The following DENND1B variants were observed in gnomAD, a reference collection of about 807,000 sequenced individuals.
The protein encoded by DENND1B is DENN domain-containing protein 1B.
Under a neutral mutation model 90.1 loss-of-function variants are expected in DENND1B, and 59 were observed. The observed-to-expected ratio is 0.65, with a 90% CI of 0.53 to 0.81. The LOEUF (loss-of-function observed/expected upper bound fraction) is 0.81. DENND1B is among the 40% of genes least tolerant of loss of function. The pLI is 0.00. For synonymous variants in DENND1B, 337 were observed against 324.6 expected (o/e 1.04, Z -0.41); for missense variants, 862 against 912.6 (o/e 0.94, Z 0.71).
chr1:197,527,311 TG>T (rs1352833288), intron 20 of DENND1B, among the ~76,000 whole-genome samples: 4 of 110,244 alleles, frequency 3.6e-5, no homozygotes, highest in South Asian at 2.8e-4. Context: ...GGTTTTTTTT[TG>T]TTTTTGTTTT....
chr1:197,560,959 A>T (rs867007157), intron 15 of DENND1B, among the ~76,000 whole-genome samples: 1 of 151,890 alleles, frequency 6.6e-6, no homozygotes, highest in Non-Finnish European at 1.5e-5. Flanking sequence ...TACCTCACCC[A>T]TCTGCGCTCA....
intron 2 of DENND1B, among the ~76,000 whole-genome samples, chr1:197,757,651 T>C (rs1443572951): frequency 6.6e-6 from 1 of 152,214 alleles, no homozygotes; most frequent in Non-Finnish European, 1.5e-5. Flanking sequence ...AAAGGAGATT[T>C]ATATCAATGA....
chr1:197,780,889 T>A, the DENND1B span, among the ~76,000 whole-genome samples: 5 of 152,270 alleles, frequency 3.3e-5, no homozygotes, highest in Middle Eastern at 3.4e-3. Flanking sequence ...CCCTATATAT[T>A]AATGGTGTAG....
intron 15 of DENND1B, among the ~76,000 whole-genome samples, chr1:197,561,572 T>C (rs34261593): frequency 0.16 from 23,895 of 151,790 alleles, 2,154 homozygotes; most frequent in Non-Finnish European, 0.2. Flanking sequence ...GACTCCAAAA[T>C]GTATATACCT....
intron 10 of DENND1B, among the ~76,000 whole-genome samples, chr1:197,619,981 C>T (rs1241487577): frequency 6.6e-6 from 1 of 151,152 alleles, no homozygotes; most frequent in East Asian, 1.9e-4. Flanking sequence ...ACAACTCCTT[C>T]CCAACCACAG....
chr1:197,583,252 C>CGCCTGTAAT lies in DENND1B; in HGVS notation c.1048_1049insATTACAGGC (p.Gly350delinsAspTyrArgArg). On this transcript the variant is annotated protein_altering_variant and splice_region_variant, in exon 15 of 23. Coordinates refer to ENST00000620048, the MANE Select transcript of DENND1B (RefSeq NM_001195215.2). ...CTCCTCACAGAAAGTGATGGGCTCA[C>CGCCTGTAAT]CCTAGATAGAAATAAAGATTTTAAG... 6.2e-7 allele frequency: 1 copy of CGCCTGTAAT among 1,613,434 alleles called. No individual in the cohort carries two copies. Among genetic ancestry groups the CGCCTGTAAT allele is most frequent in the Non-Finnish European group, 8.5e-7 (1 of 1,179,614 alleles).
At chr1:197,621,124 T>G (rs904352855) in intron 10 of DENND1B, among the ~76,000 whole-genome samples, 8 of 151,220 alleles carry the variant, frequency 5.3e-5, no homozygotes, top group African/African-American at 9.7e-5. Flanking sequence ...AGTGGGAGAA[T>G]GGCAGGAGAT....
At chr1:197,570,758 G>A (rs1469796047) in intron 15 of DENND1B, among the ~76,000 whole-genome samples, 2 of 151,994 alleles carry the variant, frequency 1.3e-5, no homozygotes, top group East Asian at 1.9e-4. Flanking sequence ...TGTTATCACT[G>A]TAATAAGCAA....
intron 2 of DENND1B, among the ~76,000 whole-genome samples, chr1:197,768,886 G>A (rs1656059653): frequency 6.6e-6 from 1 of 151,302 alleles, no homozygotes; most frequent in Non-Finnish European, 1.5e-5. Flanking sequence ...TCAATATAAT[G>A]CCTCTGAAAC....
Position 197,611,956 on chromosome 1 carries a change from A to G in DENND1B, c.794T>C (p.Ile265Thr), listed in dbSNP as rs1186978274. Residue 265 changes from isoleucine (I) to threonine (T), a missense_variant, in exon 12 of 23, where the codon ATT becomes ACT. Transcript: ENST00000620048. ...DYCCAPMPYL[I>T]GIHSSLIERV... ...CTCTATGAGGCTGGAGTGTATTCCA[A>G]TCAGGTATGGCATTGGGGCACTAAA... The G allele has an allele frequency of 3.7e-6, 6 of 1,604,080 alleles. No individual in the cohort carries two copies. The highest frequency in any genetic ancestry group is 2.2e-5 in the South Asian group (2 of 90,702).
At position 197,505,110 on chromosome 1, in the gene DENND1B, C is replaced by A. The variant is rs1264661941; in HGVS notation, c.*5350G>T. On this transcript the variant is annotated 3_prime_UTR_variant, in exon 23 of 23. Transcript: ENST00000620048. ...GGCTTTTACATAAAAAAGCTTTATGCATTTATGTTGTAGGACTCAGGCAGT... is the reference window on the plus strand; with the variant it reads ...GGCTTTTACATAAAAAAGCTTTATGAATTTATGTTGTAGGACTCAGGCAGT... The A allele has an allele frequency of 6.6e-6, 1 of 151,664 alleles. No individual in the cohort carries two copies. The highest frequency in any genetic ancestry group is 1.5e-5 in the Non-Finnish European group (1 of 67,802). 9.4% of individuals were successfully genotyped at this position (151,664 alleles called of 1,614,324 possible). A position where few individuals can be genotyped will look rare whatever the true frequency, so the allele number is the denominator to read the frequency against.
At chr1:197,622,224 C>T (rs1678236204) in intron 10 of DENND1B, among the ~76,000 whole-genome samples, 1 of 151,304 alleles carries the variant, frequency 6.6e-6, no homozygotes, top group Admixed American at 6.6e-5. Context: ...TTACCATGTG[C>T]CAAGAACTGT....
rs768500383 is a variant in DENND1B at position 197,545,131 on chromosome 1, G to A, written c.1350+791C>T. Among the ~76,000 whole-genome samples the A allele has an allele frequency of 1.8e-4, 27 of 151,854 alleles. 1 individual carries two copies. The highest frequency in any genetic ancestry group is 2.9e-4 in the Non-Finnish European group (20 of 67,948). ...TTAAGAATTTCTGTTGGGGCTGGGC[G>A]CAGTGGCTCACACCTATAATCCCAG... On this transcript the variant is annotated intron_variant, in intron 18 of 22. Transcript: ENST00000620048.
chr1:197,566,142 C>G (rs965756763), intron 15 of DENND1B, among the ~76,000 whole-genome samples: 1 of 151,996 alleles, frequency 6.6e-6, no homozygotes, highest in Non-Finnish European at 1.5e-5. Context: ...CACATCCTCT[C>G]CAGCACCTGT....
intron 20 of DENND1B, among the ~76,000 whole-genome samples, chr1:197,538,380 G>C (rs1467301596): frequency 6.6e-6 from 1 of 152,118 alleles, no homozygotes; most frequent in Admixed American, 6.5e-5. Context: ...CCAGTTAACA[G>C]CAGTAACAAG....
intron 14 of DENND1B, among the ~76,000 whole-genome samples, chr1:197,591,233 T>G (rs1178168208): frequency 3.3e-5 from 5 of 152,186 alleles, no homozygotes; most frequent in African/African-American, 1.2e-4. Context: ...AAGAAATGAC[T>G]ATATCACCCT....
intron 3 of DENND1B, among the ~76,000 whole-genome samples, chr1:197,676,004 G>C (rs1232223669): frequency 7.0e-6 from 1 of 143,026 alleles, no homozygotes; most frequent in Non-Finnish European, 1.5e-5. Context: ...TCCCTCAGGG[G>C]ACAAGTCTTT....
At chr1:197,705,250 A>C (rs1441916324) in intron 3 of DENND1B, among the ~76,000 whole-genome samples, 1 of 152,190 alleles carries the variant, frequency 6.6e-6, no homozygotes, top group Non-Finnish European at 1.5e-5. Flanking sequence ...AGTATATAGC[A>C]AAACAATTAT....
At chr1:197,562,902 G>C (rs1672294236) in intron 15 of DENND1B, among the ~76,000 whole-genome samples, 1 of 151,914 alleles carries the variant, frequency 6.6e-6, no homozygotes, top group Admixed American at 6.6e-5. Flanking sequence ...TGCTGAGATG[G>C]AGAACGTTTG....
Sources: gnomAD v4.1 joint callset for allele counts (sites outside exome capture counted in the v4.1 genomes callset) on GRCh38, gnomAD v4.1.1 for gene constraint, MANE v1.5 for transcripts, NCBI Gene and HGNC (gene_info 2026-07-23, HGNC 2026-07-21) for gene names.